The following NOS1 variants were observed in gnomAD, a reference collection of about 807,000 sequenced individuals.
NOS1 encodes NOS type I.
A neutral mutation model predicts 164.5 loss-of-function variants in NOS1; 51 were observed. That is an observed-to-expected ratio of 0.31 (90% confidence interval 0.25 to 0.39). NOS1 has a LOEUF of 0.39. Ranked by LOEUF, NOS1 falls within the 10% of genes least tolerant of loss-of-function variation. The pLI is 1.00. For synonymous variants in NOS1, 719 were observed against 745.8 expected, an observed-to-expected ratio of 0.96 and a Z score of 0.59; for missense variants, 1,362 against 1,885.6, an observed-to-expected ratio of 0.72 and a Z score of 5.14.
At chr12:117,327,377 G>A (rs141573169) in intron 2 of NOS1, among the ~76,000 whole-genome samples, 12 of 152,296 alleles carry the variant, frequency 7.9e-5, no homozygotes, top group East Asian at 3.9e-4. Context: ...AATGCCTTCC[G>A]TTCTGGATCC....
chr12:117,299,897 T>G (rs1873701054), intron 3 of NOS1, among the ~76,000 whole-genome samples: 1 of 152,088 alleles, frequency 6.6e-6, no homozygotes, highest in African/African-American at 2.4e-5. Flanking sequence ...ACTTTCAGCT[T>G]GGTCCCATTA....
Position 117,356,944 on chromosome 12 carries a change from G to A in NOS1, c.-421+4568C>T, listed in dbSNP as rs1417285271. On this transcript the variant is annotated intron_variant, in intron 1 of 28. Coordinates refer to ENST00000317775, the MANE Select transcript of NOS1 (RefSeq NM_000620.5). This position sits in a 1 kb window ranked among gnomAD's most constrained non-coding sequence, Gnocchi z 4.2. ...AAATGAACTCAAACCAATGGCTTTG[G>A]TGAAATCAGTGGTAGTTAAACTGGG... Among the ~76,000 whole-genome samples the A allele has an allele frequency of 6.6e-6, 1 of 152,202 alleles. No individual in the cohort carries two copies. The highest frequency in any genetic ancestry group is 1.5e-5 in the Non-Finnish European group (1 of 68,034).
chr12:117,296,728 A>G (rs1446948940), intron 3 of NOS1, among the ~76,000 whole-genome samples: 1 of 152,102 alleles, frequency 6.6e-6, no homozygotes, highest in Admixed American at 6.6e-5. Flanking sequence ...CCTAACCTCC[A>G]TCCCCCACCC....
At chr12:117,341,187 G>T (rs2136084556) in intron 1 of NOS1, among the ~76,000 whole-genome samples, 1 of 152,300 alleles carries the variant, frequency 6.6e-6, no homozygotes, top group Non-Finnish European at 1.5e-5. Context: ...AAGGCACTTT[G>T]TGTTGAAAGA....
intron 16 of NOS1, among the ~76,000 whole-genome samples, chr12:117,257,271 A>G (rs948679139): frequency 2.6e-5 from 4 of 151,638 alleles, no homozygotes; most frequent in African/African-American, 9.7e-5. Flanking sequence ...TTTTGTAGAG[A>G]TGGGATCTTG....
In NOS1 at chr12:117,356,347, AC is replaced by A. The variant is rs751844279; in HGVS notation, c.-421+5164del. On this transcript the variant is annotated intron_variant, in intron 1 of 28. Coordinates refer to ENST00000317775, the MANE Select transcript of NOS1 (RefSeq NM_000620.5). This position sits in a 1 kb window ranked among gnomAD's most constrained non-coding sequence, Gnocchi z 4.2. Reference sequence around the variant, plus strand: ...CTGCTGGCCCAGTTTGGCACTGGGGACCCCAACCCTGAGAGGGTGCCACAAA... The same window carrying A: ...CTGCTGGCCCAGTTTGGCACTGGGGACCCAACCCTGAGAGGGTGCCACAAA... Among the ~76,000 whole-genome samples, 3 of 151,892 alleles carry A rather than the reference AC, an allele frequency of 2.0e-5. No homozygotes were observed. In the South Asian group the frequency reaches 6.2e-4, roughly 32 times the overall value.
intron 13 of NOS1, among the ~76,000 whole-genome samples, chr12:117,261,092 C>A (rs1288902380): frequency 6.8e-6 from 1 of 148,114 alleles, no homozygotes; most frequent in African/African-American, 2.5e-5. Flanking sequence ...TTGCTTGAAC[C>A]CAGGAGGTGG....
intron 1 of NOS1, among the ~76,000 whole-genome samples, chr12:117,334,309 C>T (rs1426082031): frequency 6.6e-6 from 1 of 152,068 alleles, no homozygotes; most frequent in Non-Finnish European, 1.5e-5. Flanking sequence ...GGAAGCTGGG[C>T]TGGGGAGAGG....
chr12:117,284,523 C>T (rs1001476710), intron 7 of NOS1, among the ~76,000 whole-genome samples: 2 of 152,098 alleles, frequency 1.3e-5, no homozygotes, highest in African/African-American at 4.8e-5. Flanking sequence ...CCTTTTAAAC[C>T]AAGGGAGATT....
At chr12:117,258,271 C>T (rs1453799908) in intron 16 of NOS1, 126 bp downstream of exon 16, 2 of 913,994 alleles carry the variant, frequency 2.2e-6, no homozygotes, top group South Asian at 1.5e-5. Flanking sequence ...ACAACTAAGA[C>T]CCATTACAAA....
chr12:117,357,895 T>C (rs568095117), intron 1 of NOS1, among the ~76,000 whole-genome samples: 2 of 152,344 alleles, frequency 1.3e-5, no homozygotes, highest in South Asian at 2.1e-4. Context: ...CACTGATCCA[T>C]GGCAGGAAAC....
In NOS1 at chr12:117,234,157, A is replaced by G. The variant is rs554859734; in HGVS notation, c.3235+408T>C. 6.6e-6 allele frequency among the ~76,000 whole-genome samples: 1 copy of G among 152,326 alleles called. No homozygotes were observed. Among genetic ancestry groups the G allele is most frequent in the South Asian group, 2.1e-4 (1 of 4,822 alleles). Reference sequence around the variant, plus strand: ...TCCCTAGTTGGCCATCGAGCTTCCTATAGTACCTTTTGATTCTAAGAGGAG... The same window carrying G: ...TCCCTAGTTGGCCATCGAGCTTCCTGTAGTACCTTTTGATTCTAAGAGGAG... On this transcript the variant is annotated intron_variant, in intron 21 of 28. Transcript: ENST00000317775. The surrounding 1 kb of genome is among the most constrained non-coding windows in gnomAD (Gnocchi z 4.3).
Position 117,227,480 on chromosome 12 carries a change from G to T in NOS1, c.3567C>A (p.Tyr1189Ter). Residue 1189 changes from tyrosine (Y) to a stop codon, truncating the protein, a stop_gained, in exon 23 of 29, where the codon TAC becomes TAA. Transcript: ENST00000317775. LOFTEE classifies it high-confidence loss of function. ...CCACAGTGAGGTGCACTTCATCAGG[G>T]TACATGTCTGGGGAGGAGCTGATGG... ...YYSISSSPDM[Y>*]PDEVHLTVAI... 3.7e-6 allele frequency: 6 copies of T among 1,613,626 alleles called. No homozygotes were observed. Among genetic ancestry groups the T allele is most frequent in the Non-Finnish European group, 5.1e-6 (6 of 1,179,808 alleles).
At chr12:117,347,197 G>A (rs939479981) in intron 1 of NOS1, among the ~76,000 whole-genome samples, 21 of 151,876 alleles carry the variant, frequency 1.4e-4, no homozygotes, top group African/African-American at 4.8e-4. Context: ...TGAGGCAGAA[G>A]AATTGCTTGA....
intron 2 of NOS1, among the ~76,000 whole-genome samples, chr12:117,326,758 C>T (rs1310175723): frequency 6.6e-6 from 1 of 152,216 alleles, no homozygotes; most frequent in Non-Finnish European, 1.5e-5. Context: ...GTCCCTCCCT[C>T]TTCCTTGGGG....
At chr12:117,280,491 G>C (rs1045916989) in intron 8 of NOS1, among the ~76,000 whole-genome samples, 16 of 152,272 alleles carry the variant, frequency 1.1e-4, no homozygotes, top group African/African-American at 3.8e-4. Context: ...CTGTGAAATG[G>C]GAGAACAGTT....
In NOS1 at chr12:117,331,093, T is replaced by C; in HGVS notation, c.-24A>G. The C allele has an allele frequency of 6.3e-7, 1 of 1,590,292 alleles. No homozygotes were observed. The highest frequency in any genetic ancestry group is 8.6e-7 in the Non-Finnish European group (1 of 1,167,104). ...ATGGTAACTAGCTTCCGAGGGGTCC[T>C]GTCTGAAGACCTCACAATGCTATCA... On this transcript the variant is annotated 5_prime_UTR_variant, in exon 2 of 29. Transcript: ENST00000317775.
Position 117,208,389 on chromosome 12 carries a change from A to AGTGTGTGTGTGTGTGT in NOS1, c.*6919_*6920insACACACACACACACAC, listed in dbSNP as rs1566016990. ...TAGGGGGGACGGCCGAGTTTCTGAC[A>AGTGTGTGTGTGTGTGT]GCGTGTGTGTGTGTGTGTGTGTGTG... On this transcript the variant is annotated 3_prime_UTR_variant, in exon 29 of 29. Coordinates refer to ENST00000317775, the MANE Select transcript of NOS1 (RefSeq NM_000620.5). 10 of 913,622 alleles carry AGTGTGTGTGTGTGTGT rather than the reference A, an allele frequency of 1.1e-5. No individual in the cohort carries two copies. Among genetic ancestry groups the AGTGTGTGTGTGTGTGT allele is most frequent in the South Asian group, 9.6e-5 (7 of 72,656 alleles). The allele number at this position is 913,622 out of a possible 1,614,324, so 56.6% of individuals were successfully genotyped here. A position where few individuals can be genotyped will look rare whatever the true frequency, so the allele number is the denominator to read the frequency against.
At chr12:117,248,758 T>C (rs1377952552) in intron 17 of NOS1, among the ~76,000 whole-genome samples, 2 of 151,906 alleles carry the variant, frequency 1.3e-5, no homozygotes, top group African/African-American at 4.9e-5. Context: ...TCTAGATCCC[T>C]GAGGAATTGC....
Sources: allele counts gnomAD v4.1 joint callset (sites outside exome capture counted in the v4.1 genomes callset), GRCh38; gene constraint gnomAD v4.1.1; non-coding constraint Gnocchi (gnomAD v3.1); transcripts MANE v1.5; gene names NCBI Gene and HGNC (gene_info 2026-07-23, HGNC 2026-07-21).